The following GRM7 variants were observed in gnomAD, a reference collection of about 807,000 sequenced individuals.
GRM7 encodes glutamate metabotropic receptor 7.
Under a neutral mutation model 84.5 loss-of-function variants are expected in GRM7, and 35 were observed. That is an observed-to-expected ratio of 0.41 (90% CI 0.32 to 0.55). GRM7 has a LOEUF of 0.55. Among genes scored for constraint, GRM7 ranks in the 20% least tolerant of loss-of-function variants. The pLI, the probability that GRM7 is intolerant of heterozygous loss-of-function variation, is 0.19. For missense variants in GRM7, 1,003 were observed against 1,194.6 expected (o/e 0.84, Z 2.36); for synonymous variants, 487 against 455.1 (o/e 1.07, Z -0.89).
chr3:7,182,901 T>G (rs1056412161), intron 2 of GRM7, among the ~76,000 whole-genome samples: 3 of 151,232 alleles, frequency 2.0e-5, no homozygotes, highest in Admixed American at 6.6e-5. Context: ...AAAGTGTTTT[T>G]TTTTTTTTTT....
intron 4 of GRM7, among the ~76,000 whole-genome samples, chr3:7,322,056 G>A (rs757625228): frequency 7.2e-5 from 11 of 151,854 alleles, no homozygotes; most frequent in Non-Finnish European, 1.6e-4. Flanking sequence ...GAAATTAGTT[G>A]GGTAAAAAAT....
At chr3:7,074,501 C>T (rs908805556) in intron 1 of GRM7, among the ~76,000 whole-genome samples, 4 of 152,122 alleles carry the variant, frequency 2.6e-5, no homozygotes, top group African/African-American at 9.7e-5. Flanking sequence ...TGTTACTGTT[C>T]TGCGACATTA....
chr3:6,922,980 C>A (rs1697173977), intron 1 of GRM7, among the ~76,000 whole-genome samples: 1 of 152,068 alleles, frequency 6.6e-6, no homozygotes. Flanking sequence ...GGCTATCAAA[C>A]AAACATTTTC....
chr3:7,438,322 G>T (rs755127542), intron 5 of GRM7, among the ~76,000 whole-genome samples: 18 of 151,946 alleles, frequency 1.2e-4, no homozygotes, highest in Non-Finnish European at 2.2e-4. Flanking sequence ...TAAGCATTTG[G>T]GAATCAGAAT....
intron 1 of GRM7, among the ~76,000 whole-genome samples, chr3:7,001,350 C>G (rs1695008321): frequency 6.6e-6 from 1 of 150,788 alleles, no homozygotes; most frequent in Non-Finnish European, 1.5e-5. Flanking sequence ...ACCCTGTCTC[C>G]AAAACTAAAA....
At chr3:7,561,148 T>C (rs1290932176) in intron 7 of GRM7, among the ~76,000 whole-genome samples, 1 of 152,142 alleles carries the variant, frequency 6.6e-6, no homozygotes, top group African/African-American at 2.4e-5. Context: ...ATCTAGTGCA[T>C]TCATGCTTTC....
At chr3:7,517,320 A>G (rs1337672568) in intron 7 of GRM7, among the ~76,000 whole-genome samples, 2 of 152,118 alleles carry the variant, frequency 1.3e-5, no homozygotes, top group African/African-American at 4.8e-5. Flanking sequence ...TTGTATAAAT[A>G]AACAAATGTG....
chr3:7,214,588 T>G (rs996363177), intron 2 of GRM7, among the ~76,000 whole-genome samples: 1 of 152,236 alleles, frequency 6.6e-6, no homozygotes, highest in African/African-American at 2.4e-5. Context: ...CTTTTACACA[T>G]GTAGACAAGT....
At chr3:7,685,933 C>T (rs1158925916) in intron 9 of GRM7, among the ~76,000 whole-genome samples, 1 of 152,154 alleles carries the variant, frequency 6.6e-6, no homozygotes, top group Non-Finnish European at 1.5e-5. Flanking sequence ...TTTTGTTTTG[C>T]TTCTCCATTT....
chr3:7,567,882 C>T (rs1176425841), intron 7 of GRM7, among the ~76,000 whole-genome samples: 1 of 150,872 alleles, frequency 6.6e-6, no homozygotes, highest in Non-Finnish European at 1.5e-5. Context: ...CTTGGAACTT[C>T]CGCATTCATT....
intron 3 of GRM7, among the ~76,000 whole-genome samples, chr3:7,304,296 CCAT>C (rs373746001): frequency 0.36 from 39,541 of 110,458 alleles, 7,138 homozygotes; most frequent in Non-Finnish European, 0.44. Context: ...GCTCCATCAT[CCAT>C]CATCCATCCT....
At chr3:7,396,461 A>T (rs1468948810) in intron 4 of GRM7, among the ~76,000 whole-genome samples, 4 of 152,168 alleles carry the variant, frequency 2.6e-5, no homozygotes, top group Admixed American at 2.6e-4. Flanking sequence ...CCTAAAATTC[A>T]ATAAGTTTTC....
At chr3:7,256,198 A>C (rs900333804) in intron 2 of GRM7, among the ~76,000 whole-genome samples, 1 of 152,026 alleles carries the variant, frequency 6.6e-6, no homozygotes, top group Non-Finnish European at 1.5e-5. Flanking sequence ...CTCAACTATC[A>C]CATAACACTT....
intron 6 of GRM7, among the ~76,000 whole-genome samples, chr3:7,459,645 A>G (rs1390305265): frequency 6.6e-6 from 1 of 152,042 alleles, no homozygotes; most frequent in African/African-American, 2.4e-5. Context: ...ATTCACTACC[A>G]CAAGAACAGT....
rs534579007 is a variant in GRM7, at chr3:7,134,425, C to G, written c.520-12027C>G. Among the ~76,000 whole-genome samples the G allele has an allele frequency of 6.2e-4, 86 of 137,804 alleles. 2 individuals are homozygous for G. In the East Asian group the frequency reaches 8.2e-3, roughly 13 times the overall value. 90.4% of individuals were successfully genotyped at this position (137,804 alleles called of 152,430 possible). A position where few individuals can be genotyped will look rare whatever the true frequency, so the allele number is the denominator to read the frequency against. ...CACTGTCGCCTGGCAAAATCATCAT[C>G]ATCGTCATCATCATCATCATCATCA... is the stretch of plus-strand genomic sequence containing the variant. On this transcript the variant is annotated intron_variant, in intron 1 of 9. Transcript: ENST00000357716.
chr3:6,978,673 G>T (rs186591693), intron 1 of GRM7, among the ~76,000 whole-genome samples: 12 of 152,184 alleles, frequency 7.9e-5, no homozygotes, highest in Non-Finnish European at 1.6e-4. Context: ...GGGAGATGAT[G>T]ACTTATCTAC....
At chr3:6,890,208 G>T (rs1193609193) in intron 1 of GRM7, among the ~76,000 whole-genome samples, 2 of 152,040 alleles carry the variant, frequency 1.3e-5, no homozygotes, top group Non-Finnish European at 2.9e-5. Flanking sequence ...ATTTTTTGAA[G>T]GGTTTTTTGT....
intron 2 of GRM7, among the ~76,000 whole-genome samples, chr3:7,162,729 A>ATTTTTTTTTTTTTTTTT (rs71063284): frequency 9.1e-5 from 5 of 54,714 alleles, no homozygotes; most frequent in Admixed American, 2.8e-4. Context: ...CCCATTTTTC[A>ATTTTTTTTTTTTTTTTT]TTTTTTTTTT....
chr3:6,919,003 T>A (rs909057713), intron 1 of GRM7, among the ~76,000 whole-genome samples: 1 of 152,188 alleles, frequency 6.6e-6, no homozygotes, highest in African/African-American at 2.4e-5. Flanking sequence ...AATCAATCTT[T>A]ATGGCCCCGC....
Sources: gnomAD v4.1 joint callset for allele counts (sites outside exome capture counted in the v4.1 genomes callset) on GRCh38, gnomAD v4.1.1 for gene constraint, MANE v1.5 for transcripts, NCBI Gene and HGNC (gene_info 2026-07-23, HGNC 2026-07-21) for gene names.